Variants in MFF observed in about 807,000 individuals in gnomAD.
The protein encoded by MFF is chromosome 2 open reading frame 33.
In MFF, 12 loss-of-function variants were observed where a neutral mutation model predicts 36.9. The ratio of observed to expected loss-of-function variants is 0.33; its 90% confidence interval spans 0.21 to 0.53. The LOEUF (loss-of-function observed/expected upper bound fraction) is 0.53. MFF is among the 20% of genes least tolerant of loss of function. MFF has a pLI of 0.95. For missense variants in MFF, 348 were observed against 366.6 expected (o/e 0.95, Z 0.42); for synonymous variants, 99 against 126.2 (o/e 0.78, Z 1.44).
At chr2:227,340,091 G>GGA (rs2075302580) in intron 4 of MFF, among the ~76,000 whole-genome samples, 1 of 150,888 alleles carries the variant, frequency 6.6e-6, no homozygotes, top group African/African-American at 2.4e-5. Flanking sequence ...TAGTAAGTAG[G>GGA]GTGTGTGTGT....
intron 5 of MFF, chr2:227,342,928 T>C: frequency 1.2e-6 from 1 of 865,732 alleles, no homozygotes; most frequent in Non-Finnish European, 1.8e-6. Context: ...CCTAATTATC[T>C]TCCTGTTTGG....
chr2:227,350,517 T>C (rs1574984775), intron 6 of MFF, among the ~76,000 whole-genome samples: 1 of 152,240 alleles, frequency 6.6e-6, no homozygotes, highest in East Asian at 1.9e-4. Context: ...AACCAATGTA[T>C]GAATAATTTA....
intron 4 of MFF, among the ~76,000 whole-genome samples, chr2:227,332,985 C>G (rs62279170): frequency 0.32 from 48,821 of 152,034 alleles, 8,115 homozygotes; most frequent in Admixed American, 0.43. Flanking sequence ...CCCATTCTCG[C>G]TACTTGATTA....
chr2:227,335,567 C>T (rs2106371265), intron 4 of MFF, among the ~76,000 whole-genome samples: 1 of 152,266 alleles, frequency 6.6e-6, no homozygotes, highest in Admixed American at 6.5e-5. Flanking sequence ...ATGTTCTCTA[C>T]AGGGCAAGAT....
intron 5 of MFF, among the ~76,000 whole-genome samples, chr2:227,341,819 T>C (rs2075409400): frequency 2.0e-5 from 3 of 152,152 alleles, no homozygotes; most frequent in Admixed American, 2.0e-4. Flanking sequence ...TGTGGCTTAC[T>C]ATTTAGGTTC....
chr2:227,328,255 C>G (rs1357299568), intron 1 of MFF, among the ~76,000 whole-genome samples: 1 of 141,802 alleles, frequency 7.1e-6, no homozygotes, highest in Non-Finnish European at 1.5e-5. Context: ...CCTGTAGTCC[C>G]AGCTATTCAG....
At position 227,357,687 on chromosome 2, in the gene MFF, A is replaced by G. The variant is rs574966841; in HGVS notation, c.*570A>G. ...ATTTCTAACATTGCAGCAGTTTCAT[A>G]TGTGTGCAATATGTGCATTCTTTCA... On this transcript the variant is annotated 3_prime_UTR_variant, in exon 9 of 9. Coordinates refer to ENST00000304593, the MANE Select transcript of MFF (RefSeq NM_001277062.2). 1 of 152,410 alleles carries G rather than the reference A, an allele frequency of 6.6e-6. No individual in the cohort carries two copies. Among genetic ancestry groups the G allele is most frequent in the African/African-American group, 2.4e-5 (1 of 41,564 alleles). The allele number at this position is 152,410 out of a possible 1,614,324, so 9.4% of individuals were successfully genotyped here.
intron 6 of MFF, among the ~76,000 whole-genome samples, chr2:227,351,152 A>G (rs1179850806): frequency 5.3e-5 from 8 of 152,222 alleles, no homozygotes; most frequent in Admixed American, 1.3e-4. Flanking sequence ...TAGTTAAATA[A>G]CAGGTTTCCT....
At chr2:227,347,650 C>CT (rs1470606989) in intron 6 of MFF, among the ~76,000 whole-genome samples, 1 of 152,206 alleles carries the variant, frequency 6.6e-6, no homozygotes, top group African/African-American at 2.4e-5. Flanking sequence ...CTAGCCTACT[C>CT]TAAGTACTTG....
chr2:227,348,934 T>C (rs753286168), intron 6 of MFF, among the ~76,000 whole-genome samples: 7 of 152,150 alleles, frequency 4.6e-5, no homozygotes, highest in Non-Finnish European at 8.8e-5. Flanking sequence ...AGAGCTAATA[T>C]TTACAAGGGC....
intron 5 of MFF, among the ~76,000 whole-genome samples, chr2:227,344,057 G>A (rs2075570399): frequency 6.6e-6 from 1 of 152,094 alleles, no homozygotes; most frequent in Admixed American, 6.6e-5. Context: ...CAAAGTGCTG[G>A]GATTATAGGC....
intron 5 of MFF, among the ~76,000 whole-genome samples, chr2:227,345,424 G>T (rs2075655597): frequency 6.6e-6 from 1 of 152,200 alleles, no homozygotes; most frequent in Admixed American, 6.5e-5. Flanking sequence ...TACACAAAGT[G>T]TTCAATTTAA....
At chr2:227,329,623 G>A (rs1273142183) in intron 2 of MFF, 13 of 697,752 alleles carry the variant, frequency 1.9e-5, no homozygotes, top group Non-Finnish European at 2.6e-5. Flanking sequence ...AGCAGTGTCC[G>A]TGTTGTTATG....
At chr2:227,340,838 A>G (rs1386841869) in intron 5 of MFF, among the ~76,000 whole-genome samples, 1 of 152,092 alleles carries the variant, frequency 6.6e-6, no homozygotes, top group African/African-American at 2.4e-5. Context: ...TCAAATTCTG[A>G]TCTTAAAGCT....
chr2:227,344,302 C>T lies in MFF; in HGVS notation c.441-2924C>T, dbSNP rs1478802789. On this transcript the variant is annotated intron_variant, in intron 5 of 8. Transcript: ENST00000304593. The stretch of plus-strand genomic sequence containing the variant: ...TTAAATTACTAATATATATATAATG[C>T]CATTTACTTAATCTTCTCAGTGCCT... 2.0e-5 allele frequency among the ~76,000 whole-genome samples: 3 copies of T among 152,116 alleles called. No individual in the cohort carries two copies. In the East Asian group the frequency reaches 5.8e-4, roughly 29 times the overall value.
chr2:227,329,637 A>G, intron 2 of MFF: 3 of 773,860 alleles, frequency 3.9e-6, no homozygotes, highest in Admixed American at 2.0e-5. Flanking sequence ...TGTTATGTAC[A>G]CCTCCAAAAA....
At position 227,330,826 on chromosome 2, in the gene MFF, C is replaced by T. The variant is rs781133574; in HGVS notation, c.161C>T (p.Pro54Leu). The T allele has an allele frequency of 5.6e-6, 9 of 1,614,044 alleles. No homozygotes were observed. Among genetic ancestry groups the T allele is most frequent in the Non-Finnish European group, 6.8e-6 (8 of 1,179,928 alleles). Residue 54 changes from proline to leucine, a missense_variant, in exon 3 of 9, where the codon CCG becomes CTG. Coordinates refer to ENST00000304593, the MANE Select transcript of MFF (RefSeq NM_001277062.2). ...AATGCTAGTGTGATAATGCAAGTTCCGGAGAGGATTGTTGTAGCAGGTATT... is the reference window on the plus strand; with the variant it reads ...AATGCTAGTGTGATAATGCAAGTTCTGGAGAGGATTGTTGTAGCAGGTATT... ...VPNASVIMQV[P>L]ERIVVAGNNE...
rs144347187 is a variant in MFF, at chr2:227,340,334, G to A, written c.394G>A (p.Glu132Lys). 95 of 1,613,902 alleles carry A rather than the reference G, an allele frequency of 5.9e-5. No homozygotes were observed. The highest frequency in any genetic ancestry group is 7.8e-5 in the Non-Finnish European group (92 of 1,179,954). The stretch of plus-strand genomic sequence containing the variant: ...ACTAAAAAGAGAGCGGTCTATGAGT[G>A]AAAATGCTGTTCGCCAAAATGGACA... ...GRLKRERSMS[E>K]NAVRQNGQLV... The change falls in exon 5 of 9, where the codon GAA becomes AAA. Residue 132 changes from glutamate (E) to lysine (K), a missense_variant. Transcript: ENST00000304593.
At chr2:227,330,420 G>C in intron 2 of MFF, 2 of 553,746 alleles carry the variant, frequency 3.6e-6, no homozygotes, top group South Asian at 4.8e-5. Flanking sequence ...ATATCCTCAA[G>C]GTACAATTTC....
Sources: gnomAD v4.1 joint callset for allele counts (sites outside exome capture counted in the v4.1 genomes callset) on GRCh38, gnomAD v4.1.1 for gene constraint, MANE v1.5 for transcripts, NCBI Gene and HGNC (gene_info 2026-07-23, HGNC 2026-07-21) for gene names.